GRK3: variants seen among roughly 807,000 people sequenced by gnomAD.
GRK3 encodes adrenergic, beta, receptor kinase 2.
A neutral mutation model predicts 95.7 loss-of-function variants in GRK3; 54 were observed. The observed-to-expected ratio is 0.56, with a 90% CI of 0.45 to 0.71. GRK3 has a LOEUF of 0.71. Among genes scored for constraint, GRK3 ranks in the 30% least tolerant of loss-of-function variants. The probability of loss-of-function intolerance (pLI) is 0.00; values close to 1 mark genes in which losing one functional copy is unlikely to be tolerated. For missense variants in GRK3, 649 were observed against 851.2 expected, an observed-to-expected ratio of 0.76 and a Z score of 2.96; for synonymous variants, 281 against 290.8, an observed-to-expected ratio of 0.97 and a Z score of 0.34.
chr22:25,597,120 G>T lies in GRK3; in HGVS notation c.114-7257G>T, dbSNP rs537314872. On this transcript the variant is annotated intron_variant, in intron 1 of 20. Coordinates refer to ENST00000324198, the MANE Select transcript of GRK3 (RefSeq NM_005160.4). ...TCTATAGATTATATTTTTAGTTTTG[G>T]ATTTATAATTAGGGTCTCATGCTCT... Among the ~76,000 whole-genome samples the T allele has an allele frequency of 5.9e-5, 9 of 152,174 alleles. 1 individual carries two copies. In the South Asian group the frequency reaches 1.7e-3, roughly 28 times the overall value.
At chr22:25,591,323 C>T (rs1029026520) in intron 1 of GRK3, among the ~76,000 whole-genome samples, 3 of 152,164 alleles carry the variant, frequency 2.0e-5, no homozygotes, top group African/African-American at 7.2e-5. Context: ...TCTCTGAGTG[C>T]ACCACCTTCC....
chr22:25,623,766 C>T (rs554643735), intron 2 of GRK3, among the ~76,000 whole-genome samples: 7 of 152,182 alleles, frequency 4.6e-5, no homozygotes, highest in Non-Finnish European at 1.0e-4. Flanking sequence ...GATGCCTTCT[C>T]GTCCTTGTCT....
chr22:25,682,015 G>A (rs1987339752), intron 9 of GRK3, among the ~76,000 whole-genome samples: 2 of 152,128 alleles, frequency 1.3e-5, no homozygotes, highest in African/African-American at 4.8e-5. Context: ...CACCCCGAGA[G>A]GTGAGGGTTG....
At chr22:25,670,087 G>T (rs2084968986) in intron 6 of GRK3, among the ~76,000 whole-genome samples, 1 of 152,184 alleles carries the variant, frequency 6.6e-6, no homozygotes. Flanking sequence ...CTCTTTGTGA[G>T]TCATTTTAGA....
At chr22:25,690,100 G>A (rs1362606245) in intron 11 of GRK3, 89 bp from the exon 12 acceptor site, 3 of 858,324 alleles carry the variant, frequency 3.5e-6, no homozygotes, top group African/African-American at 1.7e-5. Flanking sequence ...TGATAAAATA[G>A]TGAGATATCA....
At chr22:25,596,898 A>T (rs776511073) in intron 1 of GRK3, among the ~76,000 whole-genome samples, 2 of 152,196 alleles carry the variant, frequency 1.3e-5, no homozygotes, top group Non-Finnish European at 2.9e-5. Context: ...AAATAATATT[A>T]TAAGCACTTA....
chr22:25,726,954 T>TGC lies in GRK3; in HGVS notation c.*4505_*4506insCG, dbSNP rs2085479537. On this transcript the variant is annotated 3_prime_UTR_variant, in exon 21 of 21. Transcript: ENST00000324198. ...GTGTGTGTGTGTGTGTGTGTGTGTG[T>TGC]GTGCACTTTGCAGCCCCCGAGGTGG... is the stretch of plus-strand genomic sequence containing the variant. 2.0e-5 allele frequency: 3 copies of TGC among 151,364 alleles called. No homozygotes were observed. In the Admixed American group the frequency reaches 2.0e-4, roughly 10 times the overall value. 9.4% of individuals were successfully genotyped at this position (151,364 alleles called of 1,614,324 possible).
intron 1 of GRK3, among the ~76,000 whole-genome samples, chr22:25,585,335 CCATCTGCCCTG>C (rs1394471584): frequency 6.6e-6 from 1 of 152,212 alleles, no homozygotes; most frequent in Non-Finnish European, 1.5e-5. Context: ...ATCTGGTTGG[CCATCTGCCCTG>C]CTCATTTTTG....
chr22:25,598,600 A>G (rs1448117774), intron 1 of GRK3, among the ~76,000 whole-genome samples: 1 of 151,968 alleles, frequency 6.6e-6, no homozygotes, highest in Non-Finnish European at 1.5e-5. Context: ...GCTTGAGCCC[A>G]GTAGGCCAAG....
At chr22:25,647,977 G>A (rs1028905514) in intron 3 of GRK3, among the ~76,000 whole-genome samples, 3 of 152,036 alleles carry the variant, frequency 2.0e-5, no homozygotes, top group African/African-American at 7.2e-5. Context: ...TTAGCTGGAC[G>A]TGGTGGTGAG....
At chr22:25,675,129 G>A (rs1489889255) in intron 8 of GRK3, among the ~76,000 whole-genome samples, 1 of 151,992 alleles carries the variant, frequency 6.6e-6, no homozygotes, top group Non-Finnish European at 1.5e-5. Flanking sequence ...TGACAACTGT[G>A]GCATGTTACG....
intron 2 of GRK3, among the ~76,000 whole-genome samples, chr22:25,611,890 T>G (rs1247503819): frequency 6.7e-6 from 1 of 149,144 alleles, no homozygotes; most frequent in Non-Finnish European, 1.5e-5. Context: ...TGGAGTACAG[T>G]GGTGCAATCT....
intron 18 of GRK3, among the ~76,000 whole-genome samples, chr22:25,715,581 G>T (rs762753529): frequency 1.3e-5 from 2 of 152,086 alleles, no homozygotes; most frequent in Non-Finnish European, 2.9e-5. Flanking sequence ...ACATCAAGTA[G>T]GAAACATAAG....
intron 10 of GRK3, 103 bp from the exon 11 acceptor site, chr22:25,687,434 A>G (rs1353466536): frequency 1.0e-5 from 13 of 1,246,230 alleles, no homozygotes; most frequent in African/African-American, 1.5e-5. Context: ...AAGCAGAAGC[A>G]TAGTTTCCCT....
At chr22:25,674,035 C>T (rs7293073) in intron 7 of GRK3, among the ~76,000 whole-genome samples, 2,394 of 152,192 alleles carry the variant, frequency 0.016, 29 homozygotes, top group Middle Eastern at 0.065. Flanking sequence ...TGACAGTTCT[C>T]GGAAGCATTG....
Position 25,677,733 on chromosome 22 carries a change from C to T in GRK3, c.648-1083C>T, listed in dbSNP as rs528592435. On this transcript the variant is annotated intron_variant, in intron 8 of 20. Transcript: ENST00000324198. ...TGAGACAGTGTCCATGCTGCAGATC[C>T]GGGCTGAAGGAAGTAGTCCATCATC... 3.3e-4 allele frequency among the ~76,000 whole-genome samples: 51 copies of T among 152,268 alleles called. 1 individual carries two copies. Among genetic ancestry groups the T allele is most frequent in the South Asian group, 1.7e-3 (8 of 4,818 alleles).
intron 1 of GRK3, among the ~76,000 whole-genome samples, chr22:25,583,068 A>G (rs1407972593): frequency 1.3e-5 from 2 of 152,160 alleles, no homozygotes; most frequent in African/African-American, 2.4e-5. Context: ...GATAGCGCAT[A>G]CTTACTAAAA....
intron 3 of GRK3, among the ~76,000 whole-genome samples, chr22:25,647,100 C>A (rs1229799001): frequency 2.0e-5 from 3 of 151,144 alleles, no homozygotes; most frequent in African/African-American, 4.9e-5. Context: ...AATTGCCAGC[C>A]TAGAATTCTA....
chr22:25,632,903 A>G (rs1170692133), intron 2 of GRK3, among the ~76,000 whole-genome samples: 1 of 151,814 alleles, frequency 6.6e-6, no homozygotes, highest in Non-Finnish European at 1.5e-5. Flanking sequence ...TCTTTATAAT[A>G]TATCCTTTTT....
Sources: allele counts gnomAD v4.1 joint callset (sites outside exome capture counted in the v4.1 genomes callset), GRCh38; gene constraint gnomAD v4.1.1; transcripts MANE v1.5; gene names NCBI Gene and HGNC (gene_info 2026-07-23, HGNC 2026-07-21).